LNP1: variants seen among roughly 807,000 people sequenced by gnomAD.
The protein encoded by LNP1 is leukemia NUP98 fusion partner 1.
LNP1 carries 12 observed loss-of-function variants against 14.5 expected under a neutral mutation model. That is an observed-to-expected ratio of 0.83 (90% CI 0.53 to 1.34). The LOEUF (loss-of-function observed/expected upper bound fraction) is 1.34, where lower values mean the gene tolerates loss of function less well. Ranked by LOEUF, LNP1 falls within the 40% of genes most tolerant of loss-of-function variation. The probability of loss-of-function intolerance (pLI) is 0.00; values close to 1 mark genes in which losing one functional copy is unlikely to be tolerated. For synonymous variants in LNP1, 75 were observed against 71.4 expected, an observed-to-expected ratio of 1.05 and a Z score of -0.26; for missense variants, 198 against 210.9, an observed-to-expected ratio of 0.94 and a Z score of 0.38.
chr3:100,404,501 C>T (rs73860606), intron 1 of LNP1, among the ~76,000 whole-genome samples: 1,926 of 152,270 alleles, frequency 0.013, 36 homozygotes, highest in African/African-American at 0.043. Flanking sequence ...TGGCTAATGA[C>T]TACCATATTG....
rs1707464039 is a variant in LNP1, at chr3:100,451,960, G to A, written c.387+11G>A. On this transcript the variant is annotated intron_variant, in intron 3 of 3. Transcript: ENST00000383693. ...CGTTCTGCCTCTTTGGTATGTAACA[G>A]AGCTACTGAATATTTAAGCCGCTTT... 10 of 1,567,822 alleles carry A rather than the reference G, an allele frequency of 6.4e-6. No homozygotes were observed. In the East Asian group the frequency reaches 2.2e-4, roughly 35 times the overall value.
At chr3:100,423,628 A>G (rs1185283569) in intron 1 of LNP1, among the ~76,000 whole-genome samples, 2 of 152,208 alleles carry the variant, frequency 1.3e-5, no homozygotes, top group African/African-American at 4.8e-5. Flanking sequence ...CGTTCACTTT[A>G]TGAGAATACA....
intron 1 of LNP1, among the ~76,000 whole-genome samples, chr3:100,422,009 G>C (rs1028269095): frequency 6.6e-6 from 1 of 152,036 alleles, no homozygotes; most frequent in Middle Eastern, 3.4e-3. Flanking sequence ...CAAATATGAG[G>C]CACTCAGGAC....
intron 2 of LNP1, among the ~76,000 whole-genome samples, chr3:100,444,222 A>C (rs1027095436): frequency 6.6e-6 from 1 of 152,204 alleles, no homozygotes; most frequent in Non-Finnish European, 1.5e-5. Flanking sequence ...AAAGAGGATC[A>C]ACACAAGACA....
At chr3:100,429,965 T>C in intron 2 of LNP1, 80 bp downstream of exon 2, 1 of 1,454,016 alleles carries the variant, frequency 6.9e-7, no homozygotes, top group Non-Finnish European at 9.3e-7. Flanking sequence ...TGAGGAATCT[T>C]TGGATATAAA....
intron 2 of LNP1, among the ~76,000 whole-genome samples, chr3:100,443,534 G>C (rs58969281): frequency 6.6e-6 from 1 of 152,152 alleles, no homozygotes. Context: ...TGAGTTGGGC[G>C]ATCCTCTCCT....
At chr3:100,425,189 T>TG (rs1207903361) in intron 1 of LNP1, among the ~76,000 whole-genome samples, 1 of 152,192 alleles carries the variant, frequency 6.6e-6, no homozygotes, top group African/African-American at 2.4e-5. Flanking sequence ...AATGAAAACA[T>TG]GCGTTAGTCA....
intron 1 of LNP1, among the ~76,000 whole-genome samples, chr3:100,404,154 AGGCTGAAAG>A (rs1389082665): frequency 8.5e-5 from 13 of 152,184 alleles, no homozygotes; most frequent in Non-Finnish European, 1.6e-4. Flanking sequence ...CTTTATAATT[AGGCTGAAAG>A]TGCTTTAGAA....
In LNP1 at chr3:100,455,837, CGAAA is replaced by C; in HGVS notation, c.454_457del (p.Lys152Ter). ...ATGCCTGAGGATGGAGATAAAATCCCGAAAGAAAGTAGAGGAAGAAAGGAGCTCT... is the reference window on the plus strand; with the variant it reads ...ATGCCTGAGGATGGAGATAAAATCCCGAAAGTAGAGGAAGAAAGGAGCTCT... On this transcript the variant is annotated frameshift_variant, in exon 4 of 4. Coordinates refer to ENST00000383693, the MANE Select transcript of LNP1 (RefSeq NM_001085451.2). LOFTEE classifies it low-confidence loss of function (END_TRUNC). 1 of 1,613,772 alleles carries C rather than the reference CGAAA, an allele frequency of 6.2e-7. No homozygotes were observed. Among genetic ancestry groups the C allele is most frequent in the Non-Finnish European group, 8.5e-7 (1 of 1,179,864 alleles).
Position 100,429,872 on chromosome 3 carries a change from C to T in LNP1, c.143C>T (p.Ser48Phe). ...RLQATSHRKT[S>F]LPCPLPVLPR... The stretch of plus-strand genomic sequence containing the variant: ...CAAGCCACCAGTCACAGGAAAACCT[C>T]CCTGCCCTGCCCAGTGAGTGATTGT... Residue 48 changes from serine (S) to phenylalanine (F), a missense_variant, in exon 2 of 4, where the codon TCC becomes TTC. Physicochemically the swap from Ser to Phe is radical, Grantham distance 155. Coordinates refer to ENST00000383693, the MANE Select transcript of LNP1 (RefSeq NM_001085451.2). 6.2e-7 allele frequency: 1 copy of T among 1,613,554 alleles called. No individual in the cohort carries two copies. The highest frequency in any genetic ancestry group is 8.5e-7 in the Non-Finnish European group (1 of 1,179,716).
At chr3:100,426,721 T>C (rs1707196482) in intron 1 of LNP1, among the ~76,000 whole-genome samples, 1 of 152,140 alleles carries the variant, frequency 6.6e-6, no homozygotes. Context: ...GCAAAAATTA[T>C]AGCAAAAATA....
At chr3:100,418,216 C>T in intron 1 of LNP1, among the ~76,000 whole-genome samples, 1 of 151,366 alleles carries the variant, frequency 6.6e-6, no homozygotes. Context: ...CCCACCACCA[C>T]ACCCGGCTAA....
chr3:100,408,649 C>T (rs527953929), intron 1 of LNP1, among the ~76,000 whole-genome samples: 2 of 152,310 alleles, frequency 1.3e-5, no homozygotes, highest in East Asian at 1.9e-4. Context: ...TCTAGAGTCT[C>T]AGTCTGCAGT....
At chr3:100,450,968 G>A (rs781159536) in intron 2 of LNP1, among the ~76,000 whole-genome samples, 2 of 152,168 alleles carry the variant, frequency 1.3e-5, no homozygotes, top group African/African-American at 4.8e-5. Flanking sequence ...GGAGATCAGC[G>A]ACTCTCTGGA....
At chr3:100,424,344 G>A (rs1391129798) in intron 1 of LNP1, among the ~76,000 whole-genome samples, 2 of 152,166 alleles carry the variant, frequency 1.3e-5, no homozygotes, top group Non-Finnish European at 2.9e-5. Context: ...ATTTATTATA[G>A]TGCAAAGATA....
chr3:100,405,850 G>A (rs1351184578), intron 1 of LNP1, among the ~76,000 whole-genome samples: 1 of 152,070 alleles, frequency 6.6e-6, no homozygotes, highest in Non-Finnish European at 1.5e-5. Flanking sequence ...TAGCATAACT[G>A]TAATTTCACT....
intron 1 of LNP1, among the ~76,000 whole-genome samples, chr3:100,417,679 G>A (rs984713272): frequency 2.0e-5 from 3 of 151,664 alleles, no homozygotes; most frequent in African/African-American, 4.8e-5. Context: ...TCGCACTGCC[G>A]GTATACTTTT....
chr3:100,453,266 G>A (rs978562292), intron 3 of LNP1, among the ~76,000 whole-genome samples: 1 of 152,050 alleles, frequency 6.6e-6, no homozygotes, highest in African/African-American at 2.4e-5. Flanking sequence ...ACAAGGAAGG[G>A]AGAATAGTGA....
intron 1 of LNP1, among the ~76,000 whole-genome samples, chr3:100,409,731 A>C (rs1327734508): frequency 1.3e-5 from 2 of 150,070 alleles, no homozygotes; most frequent in African/African-American, 4.9e-5. Context: ...AGTATCTGGG[A>C]TTGCAGGTAC....
Sources: allele counts gnomAD v4.1 joint callset (sites outside exome capture counted in the v4.1 genomes callset), GRCh38; gene constraint gnomAD v4.1.1; transcripts MANE v1.5; gene names NCBI Gene and HGNC (gene_info 2026-07-23, HGNC 2026-07-21).